Variants in ILKAP observed in about 807,000 individuals in gnomAD.
ILKAP encodes the protein ILK associated serine/threonine phosphatase.
ILKAP carries 11 observed loss-of-function variants against 49.1 expected under a neutral mutation model. That is an observed-to-expected ratio of 0.22 (90% CI 0.14 to 0.37). The LOEUF (loss-of-function observed/expected upper bound fraction) is 0.37. Among genes scored for constraint, ILKAP ranks in the 10% least tolerant of loss-of-function variants. The probability of loss-of-function intolerance (pLI) is 1.00; values close to 1 mark genes in which losing one functional copy is unlikely to be tolerated. For synonymous variants in ILKAP, 186 were observed against 192.8 expected (o/e 0.96, Z 0.29); for missense variants, 363 against 510.8 (o/e 0.71, Z 2.79).
chr2:238,202,886 A>AG (rs1176725969), intron 1 of ILKAP, among the ~76,000 whole-genome samples: 6 of 133,352 alleles, frequency 4.5e-5, no homozygotes, highest in Admixed American at 7.9e-5. Context: ...CCCGTGGACC[A>AG]GAAAAAAAAA....
intron 1 of ILKAP, among the ~76,000 whole-genome samples, chr2:238,195,171 C>T (rs542845875): frequency 6.6e-6 from 1 of 152,112 alleles, no homozygotes; most frequent in South Asian, 2.1e-4. Flanking sequence ...TTATTGAAAG[C>T]ATGAAACATT....
In ILKAP at chr2:238,194,871, C is replaced by A; in HGVS notation, c.56-1G>T. 6.2e-7 allele frequency: 1 copy of A among 1,613,494 alleles called. No homozygotes were observed. Among genetic ancestry groups the A allele is most frequent in the Non-Finnish European group, 8.5e-7 (1 of 1,179,434 alleles). ...AGGGGTCCTTTCTGAGCTTCTTTCC[C>A]TAAAACACAGAAAACCTGTTTAGAG... On this transcript the variant is annotated splice_acceptor_variant, in intron 1 of 11. Coordinates refer to ENST00000254654, the MANE Select transcript of ILKAP (RefSeq NM_030768.3). LOFTEE classifies it high-confidence loss of function.
intron 3 of ILKAP, among the ~76,000 whole-genome samples, chr2:238,191,551 T>C (rs944990818): frequency 2.6e-5 from 4 of 152,228 alleles, no homozygotes; most frequent in Non-Finnish European, 5.9e-5. Context: ...ATTAGTGTCC[T>C]GTGGCTTACT....
chr2:238,183,748 G>T lies in ILKAP; in HGVS notation c.627-8C>A. 6.2e-7 allele frequency: 1 copy of T among 1,607,540 alleles called. No individual in the cohort carries two copies. Among genetic ancestry groups the T allele is most frequent in the Non-Finnish European group, 8.5e-7 (1 of 1,176,304 alleles). Reference sequence around the variant, plus strand: ...TCTTTCCAGGCAGGCTTCCTGGGGGGAAACACATCAGAAACACAGTCACCA... The same window carrying T: ...TCTTTCCAGGCAGGCTTCCTGGGGGTAAACACATCAGAAACACAGTCACCA... On this transcript the variant is annotated splice_region_variant and splice_polypyrimidine_tract_variant and intron_variant, in intron 7 of 11. Coordinates refer to ENST00000254654, the MANE Select transcript of ILKAP (RefSeq NM_030768.3).
In ILKAP at chr2:238,175,625, G is replaced by A. The variant is rs533161223; in HGVS notation, c.837-1972C>T. On this transcript the variant is annotated intron_variant, in intron 9 of 11. Coordinates refer to ENST00000254654, the MANE Select transcript of ILKAP (RefSeq NM_030768.3). ...ATCACAGAGTCCCATCTCTGAGATC[G>A]AGCATCACACAAGGGTAAATCCATG... Among the ~76,000 whole-genome samples the A allele has an allele frequency of 3.9e-5, 6 of 152,262 alleles. No individual in the cohort carries two copies. In the South Asian group the frequency reaches 1.2e-3, roughly 32 times the overall value.
rs41270753 is a variant in ILKAP at position 238,173,756 on chromosome 2, C to G, written c.837-103G>C. On this transcript the variant is annotated intron_variant, in intron 9 of 11. Transcript: ENST00000254654. Reference sequence around the variant, plus strand: ...GCAGAGAATGGAAGTGTGAAAGATACAGACTGTGGAATTCACATTATTAAC... The same window carrying G: ...GCAGAGAATGGAAGTGTGAAAGATAGAGACTGTGGAATTCACATTATTAAC... 1,556 of 1,298,356 alleles carry G rather than the reference C, an allele frequency of 1.2e-3. 2 individuals carry two copies. The highest frequency in any genetic ancestry group is 1.5e-3 in the Non-Finnish European group (1,432 of 940,528). 80.4% of individuals were successfully genotyped at this position (1,298,356 alleles called of 1,614,324 possible). A position where few individuals can be genotyped will look rare whatever the true frequency, so the allele number is the denominator to read the frequency against.
intron 11 of ILKAP, 78 bp from the exon 12 acceptor site, chr2:238,170,754 G>A (rs1012938650): frequency 1.3e-6 from 2 of 1,591,950 alleles, no homozygotes; most frequent in East Asian, 2.2e-5. Context: ...CTGCCAGGAA[G>A]AAGAGCTGCT....
At position 238,194,324 on chromosome 2, in the gene ILKAP, C is replaced by T; in HGVS notation, c.129G>A (p.Gly43=). Residue 43 remains glycine, a synonymous_variant, in exon 3 of 12, where the codon GGG becomes GGA. Transcript: ENST00000254654. Reference sequence around the variant, plus strand: ...GGAGATCATCAAAAAGCAAAGGTCCCCCTGATCCTGAAACACAGCAGAACA... The same window carrying T: ...GGAGATCATCAAAAAGCAAAGGTCCTCCTGATCCTGAAACACAGCAGAACA... ...PPASSTDSGS[G]GPLLFDDLPP... is the part of the protein sequence containing the mutation. 1 of 1,614,000 alleles carries T rather than the reference C, an allele frequency of 6.2e-7. No individual in the cohort carries two copies. Among genetic ancestry groups the T allele is most frequent in the East Asian group, 2.2e-5 (1 of 44,868 alleles).
At chr2:238,194,928 AAAGAGGAAGATCAT>A in intron 1 of ILKAP, 58 bp from the exon 2 acceptor site, 1 of 1,387,564 alleles carries the variant, frequency 7.2e-7, no homozygotes. Context: ...ACAGATTTTC[AAAGAGGAAGATCAT>A]GTGGTCTCCC....
intron 1 of ILKAP, among the ~76,000 whole-genome samples, chr2:238,198,343 A>C (rs1376772353): frequency 6.6e-6 from 1 of 152,014 alleles, no homozygotes; most frequent in African/African-American, 2.4e-5. Context: ...GGCTCAAGCA[A>C]TCCTCCCTCG....
intron 3 of ILKAP, among the ~76,000 whole-genome samples, chr2:238,193,139 T>C (rs1046372540): frequency 1.3e-5 from 2 of 152,272 alleles, no homozygotes; most frequent in African/African-American, 4.8e-5. Context: ...CTTTGCCTTT[T>C]GTCCTGTAGA....
chr2:238,178,934 T>C (rs1693579664), intron 9 of ILKAP, among the ~76,000 whole-genome samples: 1 of 152,214 alleles, frequency 6.6e-6, no homozygotes, highest in Admixed American at 6.5e-5. Context: ...ACCACAAGTG[T>C]GTGCCACCCC....
intron 10 of ILKAP, among the ~76,000 whole-genome samples, chr2:238,171,345 G>C (rs111284824): frequency 0.056 from 8,545 of 151,994 alleles, 301 homozygotes; most frequent in South Asian, 0.15. Flanking sequence ...ATTTTTAGTA[G>C]AGACAGGGTT....
chr2:238,194,173 A>C, intron 3 of ILKAP, 102 bp downstream of exon 3: 1 of 971,128 alleles, frequency 1.0e-6, no homozygotes, highest in South Asian at 1.4e-5. Flanking sequence ...TTATGACTTA[A>C]TGTCATCCAA....
At chr2:238,190,877 TAAAAAAAAAAAAAAAA>T (rs57511265) in intron 3 of ILKAP, among the ~76,000 whole-genome samples, 4 of 95,130 alleles carry the variant, frequency 4.2e-5, no homozygotes, top group African/African-American at 8.7e-5. Flanking sequence ...CGTTTCTCTT[TAAAAAAAAAAAAAAAA>T]AAAAAAAAAA....
chr2:238,185,403 C>A, intron 5 of ILKAP, 116 bp from the exon 6 acceptor site: 1 of 641,488 alleles, frequency 1.6e-6, no homozygotes, highest in Non-Finnish European at 2.8e-6. Flanking sequence ...GGAAGTCACA[C>A]TGGTTAAGAC....
intron 1 of ILKAP, among the ~76,000 whole-genome samples, chr2:238,203,072 G>C (rs949474478): frequency 1.2e-4 from 18 of 151,878 alleles, no homozygotes; most frequent in African/African-American, 4.3e-4. Context: ...CACAGCCCGC[G>C]GGTGAAGTGC....
At chr2:238,188,416 T>C in intron 4 of ILKAP, 159 bp from the exon 5 acceptor site, 1 of 805,944 alleles carries the variant, frequency 1.2e-6, no homozygotes, top group Non-Finnish European at 1.9e-6. Context: ...CTCCCCCAGC[T>C]GCAAGTCTAT....
At chr2:238,183,899 C>T in intron 7 of ILKAP, 121 bp downstream of exon 7, 1 of 937,044 alleles carries the variant, frequency 1.1e-6, no homozygotes, top group Non-Finnish European at 1.7e-6. Context: ...GTTATAAAAG[C>T]TGAGTGCTAC....
Sources: allele counts gnomAD v4.1 joint callset (sites outside exome capture counted in the v4.1 genomes callset), GRCh38; gene constraint gnomAD v4.1.1; transcripts MANE v1.5; gene names NCBI Gene and HGNC (gene_info 2026-07-23, HGNC 2026-07-21).